METTL8: variants seen among roughly 807,000 people sequenced by gnomAD.
The protein encoded by METTL8 is methyltransferase 8, tRNA N3-cytidine.
Under a neutral mutation model 48.7 loss-of-function variants are expected in METTL8, and 32 were observed. That is an observed-to-expected ratio of 0.66 (90% confidence interval 0.50 to 0.88). METTL8 has a LOEUF of 0.88. Ranked by LOEUF, METTL8 falls within the 40% of genes least tolerant of loss-of-function variation. The probability of loss-of-function intolerance (pLI) is 0.00; values close to 1 mark genes in which losing one functional copy is unlikely to be tolerated. For missense variants in METTL8, 464 were observed against 474.4 expected (o/e 0.98, Z 0.20); for synonymous variants, 136 against 157.1 (o/e 0.87, Z 1.01).
chr2:171,396,917 G>T (rs181795410), intron 1 of METTL8, among the ~76,000 whole-genome samples: 1 of 149,816 alleles, frequency 6.7e-6, no homozygotes, highest in Non-Finnish European at 1.5e-5. Flanking sequence ...GCAATGGCAC[G>T]ATCATAGCTC....
chr2:171,434,756 G>A, upstream of METTL8: 1 of 1,389,520 alleles, frequency 7.2e-7, no homozygotes, highest in Non-Finnish European at 9.2e-7. Flanking sequence ...CGCGGCGGCC[G>A]AGCCTCCTGC....
At chr2:171,395,001 C>T (rs1688922615) in intron 1 of METTL8, among the ~76,000 whole-genome samples, 2 of 152,138 alleles carry the variant, frequency 1.3e-5, no homozygotes, top group Non-Finnish European at 2.9e-5. Flanking sequence ...TTATTACTAC[C>T]ACGTTAGCCT....
At chr2:171,360,252 C>T (rs1173502690) in intron 3 of METTL8, among the ~76,000 whole-genome samples, 170 bp downstream of exon 3, 2 of 152,154 alleles carry the variant, frequency 1.3e-5, no homozygotes, top group Non-Finnish European at 2.9e-5. Flanking sequence ...AGGGTGAATA[C>T]AAATTTCATT....
At chr2:171,434,444 C>A, upstream of METTL8, 1 of 1,459,180 alleles carries the variant, frequency 6.9e-7, no homozygotes, top group Non-Finnish European at 9.2e-7. Flanking sequence ...CCCGCCTCCC[C>A]GTGTCAGCTT....
chr2:171,367,216 C>A (rs1376615530), intron 2 of METTL8, among the ~76,000 whole-genome samples: 1 of 151,652 alleles, frequency 6.6e-6, no homozygotes, highest in Admixed American at 6.6e-5. Flanking sequence ...ACACAGCAAA[C>A]CCCAGGCAAT....
chr2:171,417,549 T>C (rs1397091712), intron 1 of METTL8, among the ~76,000 whole-genome samples: 1 of 152,178 alleles, frequency 6.6e-6, no homozygotes, highest in Non-Finnish European at 1.5e-5. Flanking sequence ...AGAAGTTAAG[T>C]AGTTCTAGTT....
chr2:171,380,694 G>A (rs910288481), intron 2 of METTL8, among the ~76,000 whole-genome samples: 3 of 151,984 alleles, frequency 2.0e-5, no homozygotes, highest in African/African-American at 7.2e-5. Context: ...CTAACAAGGG[G>A]CATGAAGGGC....
At chr2:171,344,706 A>G (rs892373847) in intron 3 of METTL8, among the ~76,000 whole-genome samples, 1 of 152,250 alleles carries the variant, frequency 6.6e-6, no homozygotes, top group African/African-American at 2.4e-5. Context: ...ACAGAGAAGC[A>G]GCACCAGTGT....
chr2:171,362,566 A>AAT (rs1553516229), intron 2 of METTL8, among the ~76,000 whole-genome samples: 1 of 146,008 alleles, frequency 6.8e-6, no homozygotes, highest in East Asian at 2.0e-4. Flanking sequence ...TAAAAAAATA[A>AAT]AAATAAATAA....
intron 5 of METTL8, among the ~76,000 whole-genome samples, chr2:171,334,706 G>C (rs1685902190): frequency 6.6e-6 from 1 of 152,162 alleles, no homozygotes; most frequent in South Asian, 2.1e-4. Context: ...CTAAAACATA[G>C]GTATGAGGCA....
In METTL8 at chr2:171,339,194, C is replaced by T. The variant is rs779367706; in HGVS notation, c.596G>A (p.Arg199Lys). The T allele has an allele frequency of 1.4e-5, 22 of 1,529,142 alleles. No homozygotes were observed. The Admixed American group carries it at 4.2e-4, about 29-fold the overall frequency. 94.7% of individuals were successfully genotyped at this position (1,529,142 alleles called of 1,614,324 possible). The change falls in exon 4 of 10, where the codon AGG (arginine) becomes AAG (lysine). Residue 199 changes from arginine to lysine, a missense_variant. Coordinates refer to ENST00000375258, the MANE Select transcript of METTL8 (RefSeq NM_001321154.2). Reference protein sequence around the residue: ...GLFPGSNATFRILEVGCGAGN... With the variant: ...GLFPGSNATFKILEVGCGAGN... ...CCTTGAGCACAATACCTCTAGTATC[C>T]TGAAAGTGGCATTGCTACCAGGAAA...
chr2:171,380,749 G>C (rs1165816528), intron 2 of METTL8, among the ~76,000 whole-genome samples: 6 of 152,100 alleles, frequency 3.9e-5, no homozygotes, highest in African/African-American at 9.7e-5. Context: ...AAATAAGAGA[G>C]GACATAAACG....
At chr2:171,371,389 C>T (rs541002400) in intron 2 of METTL8, among the ~76,000 whole-genome samples, 2 of 152,268 alleles carry the variant, frequency 1.3e-5, no homozygotes, top group South Asian at 4.1e-4. Flanking sequence ...CAGAATCTCA[C>T]TCCATCACCC....
intron 2 of METTL8, among the ~76,000 whole-genome samples, chr2:171,370,790 C>T (rs542862469): frequency 1.8e-3 from 268 of 152,052 alleles, no homozygotes; most frequent in Non-Finnish European, 2.9e-3. Context: ...GACTCCGTCT[C>T]AAAAATAAAT....
intron 2 of METTL8, among the ~76,000 whole-genome samples, chr2:171,385,432 T>G (rs1374762475): frequency 6.6e-6 from 1 of 151,928 alleles, no homozygotes; most frequent in East Asian, 1.9e-4. Flanking sequence ...TGAACAGAAT[T>G]TTGGACTTGA....
chr2:171,409,560 C>G (rs1161510918), intron 1 of METTL8, among the ~76,000 whole-genome samples: 4 of 152,124 alleles, frequency 2.6e-5, no homozygotes, highest in African/African-American at 9.7e-5. Context: ...AGCTCCCCAG[C>G]TTTCCTTTCT....
At position 171,415,914 on chromosome 2, in the gene METTL8, T is replaced by C. The variant is rs578117943; in HGVS notation, c.-13+17969A>G. Among the ~76,000 whole-genome samples, 6 of 152,256 alleles carry C rather than the reference T, an allele frequency of 3.9e-5. No individual in the cohort carries two copies. In the South Asian group the frequency reaches 1.0e-3, roughly 26 times the overall value. ...TCAGACTGGGTAAGGCAGATGATTATGGATGCTGATTAAGGTGGAGCAAAG... is the reference window on the plus strand; with the variant it reads ...TCAGACTGGGTAAGGCAGATGATTACGGATGCTGATTAAGGTGGAGCAAAG... On this transcript the variant is annotated intron_variant, in intron 1 of 9. Transcript: ENST00000375258.
At chr2:171,357,282 A>C (rs886739030) in intron 3 of METTL8, among the ~76,000 whole-genome samples, 2 of 152,118 alleles carry the variant, frequency 1.3e-5, no homozygotes, top group Admixed American at 6.5e-5. Context: ...TACACTTAGA[A>C]AAACCTAAAG....
intron 3 of METTL8, among the ~76,000 whole-genome samples, chr2:171,345,809 G>A (rs1361926866): frequency 6.6e-6 from 1 of 152,076 alleles, no homozygotes; most frequent in Non-Finnish European, 1.5e-5. Flanking sequence ...ACTGAGATAT[G>A]ACACACTGGA....
Sources: gnomAD v4.1 joint callset for allele counts (sites outside exome capture counted in the v4.1 genomes callset) on GRCh38, gnomAD v4.1.1 for gene constraint, MANE v1.5 for transcripts, NCBI Gene and HGNC (gene_info 2026-07-23, HGNC 2026-07-21) for gene names.